PRDM15: variants seen among roughly 807,000 people sequenced by gnomAD.
PRDM15 encodes the protein PR/SET domain 15.
Under a neutral mutation model 128.6 loss-of-function variants are expected in PRDM15, and 64 were observed. The ratio of observed to expected loss-of-function variants is 0.50; its 90% confidence interval spans 0.41 to 0.61. PRDM15 has a LOEUF of 0.61. PRDM15 is among the 20% of genes least tolerant of loss of function. The pLI is 0.00. For synonymous variants in PRDM15, 615 were observed against 621.8 expected, an observed-to-expected ratio of 0.99 and a Z score of 0.16; for missense variants, 1,242 against 1,569.1, an observed-to-expected ratio of 0.79 and a Z score of 3.52.
intron 11 of PRDM15, among the ~76,000 whole-genome samples, chr21:41,833,449 G>A (rs917473519): frequency 6.6e-6 from 1 of 152,338 alleles, no homozygotes; most frequent in Admixed American, 6.5e-5. Flanking sequence ...ACCCACCACT[G>A]GGAATGGGGA....
intron 21 of PRDM15, among the ~76,000 whole-genome samples, chr21:41,806,706 TACCACCAACATC>T (rs2061684052): frequency 1.6e-4 from 6 of 38,594 alleles, no homozygotes; most frequent in East Asian, 9.3e-4. Flanking sequence ...CACCCATCAC[TACCACCAACATC>T]ACCACCATCA....
intron 4 of PRDM15, among the ~76,000 whole-genome samples, chr21:41,855,694 A>G (rs556786520): frequency 2.0e-5 from 3 of 152,328 alleles, no homozygotes; most frequent in African/African-American, 7.2e-5. Context: ...GATGACCTTC[A>G]GAATCGCGTA....
rs68144016 is a variant in PRDM15, at chr21:41,832,727, T to C, written c.1366+2710A>G. ...AGCCCCCCTCCCAGGCAGGTGCAAA[T>C]CAGCACCCATGAGCACCCCCTCCTG... On this transcript the variant is annotated intron_variant, in intron 11 of 23. Coordinates refer to ENST00000398548, the MANE Select transcript of PRDM15 (RefSeq NM_001040424.3). The surrounding 1 kb of genome is among the most constrained non-coding windows in gnomAD (Gnocchi z 4.2). Among the ~76,000 whole-genome samples, 604 of 151,930 alleles carry C rather than the reference T, an allele frequency of 4.0e-3. No individual in the cohort carries two copies. The highest frequency in any genetic ancestry group is 6.3e-3 in the Non-Finnish European group (429 of 67,912).
intron 22 of PRDM15, among the ~76,000 whole-genome samples, chr21:41,803,678 A>C (rs988984648): frequency 2.0e-5 from 3 of 152,136 alleles, no homozygotes; most frequent in African/African-American, 7.2e-5. Context: ...TGACTTGCCA[A>C]GGGTAGAAAT....
At position 41,836,539 on chromosome 21, in the gene PRDM15, A is replaced by ACCCGCTTGTGCTC; in HGVS notation, c.1099_1111dup (p.Val371GlyfsTer30). 1 of 1,612,642 alleles carries ACCCGCTTGTGCTC rather than the reference A, an allele frequency of 6.2e-7. No homozygotes were observed. Among genetic ancestry groups the ACCCGCTTGTGCTC allele is most frequent in the Non-Finnish European group, 8.5e-7 (1 of 1,179,924 alleles). ...CTTGCTGCAGATATTGCACTGGTAA[A>ACCCGCTTGTGCTC]CCCGCTTGTGCTCCCCGAGCTGTTT... On this transcript the variant is annotated frameshift_variant, in exon 9 of 24. Coordinates refer to ENST00000398548, the MANE Select transcript of PRDM15 (RefSeq NM_001040424.3). LOFTEE classifies it high-confidence loss of function.
chr21:41,842,387 A>C (rs2063099793), intron 6 of PRDM15, among the ~76,000 whole-genome samples: 1 of 152,234 alleles, frequency 6.6e-6, no homozygotes, highest in East Asian at 1.9e-4. Context: ...CAATCTCACC[A>C]ACATATTTAT....
intron 3 of PRDM15, among the ~76,000 whole-genome samples, chr21:41,858,092 G>A (rs546527785): frequency 1.3e-5 from 2 of 152,248 alleles, no homozygotes; most frequent in African/African-American, 2.4e-5. Context: ...GGAGCCATAT[G>A]AAGAGCACCC....
At chr21:41,836,367 G>T in intron 9 of PRDM15, 101 bp downstream of exon 9, 1 of 1,362,388 alleles carries the variant, frequency 7.3e-7, no homozygotes, top group Non-Finnish European at 1.0e-6. Flanking sequence ...GGCGCAGCTC[G>T]TGGGAGACGA....
Position 41,828,208 on chromosome 21 carries a change from G to T in PRDM15, c.1492C>A (p.Arg498Ser), listed in dbSNP as rs142468830. Residue 498 changes from arginine (R) to serine (S), a missense_variant, in exon 12 of 24, where the codon CGC becomes AGC. Physicochemically the swap from Arg to Ser is moderately radical, Grantham distance 110. Coordinates refer to ENST00000398548, the MANE Select transcript of PRDM15 (RefSeq NM_001040424.3). This position sits in a 1 kb window ranked among gnomAD's most constrained non-coding sequence, Gnocchi z 5.7. Reference sequence around the variant, plus strand: ...TGGTGGTCCAGCATGACGTCCTTGCGGTAGAACATCTTGCTGCAGACCTCA... The same window carrying T: ...TGGTGGTCCAGCATGACGTCCTTGCTGTAGAACATCTTGCTGCAGACCTCA... ...ACEVCSKMFY[R>S]KDVMLDHQRR... The T allele has an allele frequency of 6.2e-7, 1 of 1,613,896 alleles. No homozygotes were observed. The highest frequency in any genetic ancestry group is 8.5e-7 in the Non-Finnish European group (1 of 1,179,984).
At chr21:41,803,093 T>A (rs1219982359) in intron 22 of PRDM15, 172 bp from the exon 23 acceptor site, 1 of 629,608 alleles carries the variant, frequency 1.6e-6, no homozygotes, top group Non-Finnish European at 2.8e-6. Flanking sequence ...TTTCTAAGGA[T>A]CGGGGCAAGT....
intron 11 of PRDM15, among the ~76,000 whole-genome samples, chr21:41,831,201 C>G (rs1160046081): frequency 6.6e-6 from 1 of 152,362 alleles, no homozygotes; most frequent in Admixed American, 6.5e-5. Context: ...AAGCAGCCGC[C>G]CTGCGCCTGT....
chr21:41,803,615 A>G (rs1413124110), intron 22 of PRDM15, among the ~76,000 whole-genome samples: 1 of 152,258 alleles, frequency 6.6e-6, no homozygotes, highest in Non-Finnish European at 1.5e-5. Context: ...AGACAGACCC[A>G]GCGTGGGCCT....
chr21:41,874,519 ATATATAT>A, intron 1 of PRDM15, among the ~76,000 whole-genome samples: 1 of 50,632 alleles, frequency 2.0e-5, no homozygotes, highest in African/African-American at 6.5e-5. Context: ...ATATATATAT[ATATATAT>A]TTTTTTTTTT....
intron 16 of PRDM15, among the ~76,000 whole-genome samples, chr21:41,820,825 A>G (rs2062232927): frequency 6.6e-6 from 1 of 152,166 alleles, no homozygotes; most frequent in Admixed American, 6.5e-5. Context: ...GAACCCCGCT[A>G]TTTTCCTGTA....
At chr21:41,868,433 C>A (rs138384090) in intron 1 of PRDM15, among the ~76,000 whole-genome samples, 1,532 of 152,178 alleles carry the variant, frequency 0.01, 21 homozygotes, top group African/African-American at 0.034. Flanking sequence ...GAGGCTGCAG[C>A]ACTTTGCACC....
Position 41,871,643 on chromosome 21 carries a change from C to G in PRDM15, c.-10+7627G>C, listed in dbSNP as rs373806404. The G allele has an allele frequency of 7.9e-5, 126 of 1,593,560 alleles. No individual in the cohort carries two copies. In the African/African-American group the frequency reaches 1.5e-3, roughly 19 times the overall value. ...GGACCTGTAGGCCAACAGTGGGTCA[C>G]GAAAGTAGACATGAGAAGCCCACTG... is the stretch of plus-strand genomic sequence containing the variant. On this transcript the variant is annotated intron_variant, in intron 1 of 23. Coordinates refer to ENST00000398548, the MANE Select transcript of PRDM15 (RefSeq NM_001040424.3).
intron 4 of PRDM15, among the ~76,000 whole-genome samples, 168 bp downstream of exon 4, chr21:41,857,008 A>C (rs2063655718): frequency 6.6e-6 from 1 of 152,266 alleles, no homozygotes; most frequent in Non-Finnish European, 1.5e-5. Flanking sequence ...TGCTCTTGCA[A>C]TGTAAAAAGA....
In PRDM15 at chr21:41,854,553, G is replaced by A. The variant is rs1303688849; in HGVS notation, c.538+13C>T. On this transcript the variant is annotated intron_variant, in intron 5 of 23. Transcript: ENST00000398548. The surrounding 1 kb of genome is among the most constrained non-coding windows in gnomAD (Gnocchi z 4.6). Reference sequence around the variant, plus strand: ...AAGGGAAGGTGGGCTCCGGATCGGGGGCCGCCACATACCGTGGACGCCAGA... The same window carrying A: ...AAGGGAAGGTGGGCTCCGGATCGGGAGCCGCCACATACCGTGGACGCCAGA... The A allele has an allele frequency of 1.2e-6, 2 of 1,611,668 alleles. No individual in the cohort carries two copies. The highest frequency in any genetic ancestry group is 3.3e-5 in the Admixed American group (2 of 60,026).
Position 41,828,578 on chromosome 21 carries a change from C to T in PRDM15, c.1367-245G>A, listed in dbSNP as rs894861421. On this transcript the variant is annotated intron_variant, in intron 11 of 23. Coordinates refer to ENST00000398548, the MANE Select transcript of PRDM15 (RefSeq NM_001040424.3). The surrounding 1 kb of genome is among the most constrained non-coding windows in gnomAD (Gnocchi z 5.7). ...GAGCTCACCTTTCATCACCAAGCAA[C>T]GCCAGCCGCCTCCCTCCCGGGCCAC... 1.3e-5 allele frequency among the ~76,000 whole-genome samples: 2 copies of T among 151,800 alleles called. No homozygotes were observed. Among genetic ancestry groups the T allele is most frequent in the Non-Finnish European group, 2.9e-5 (2 of 67,938 alleles).
Sources: gnomAD v4.1 joint callset for allele counts (sites outside exome capture counted in the v4.1 genomes callset) on GRCh38, gnomAD v4.1.1 for gene constraint, Gnocchi (gnomAD v3.1) non-coding constraint, MANE v1.5 for transcripts, NCBI Gene and HGNC (gene_info 2026-07-23, HGNC 2026-07-21) for gene names.